Variants in GABRG3 observed in about 807,000 individuals in gnomAD.
The protein encoded by GABRG3 is gamma-aminobutyric acid receptor subunit gamma-3.
A neutral mutation model predicts 48.8 loss-of-function variants in GABRG3; 25 were observed. That is an observed-to-expected ratio of 0.51 (90% confidence interval 0.37 to 0.72). GABRG3 has a LOEUF of 0.72. Ranked by LOEUF, GABRG3 falls within the 30% of genes least tolerant of loss-of-function variation. The pLI is 0.00. For missense variants in GABRG3, 394 were observed against 577.9 expected, an observed-to-expected ratio of 0.68 and a Z score of 3.26; for synonymous variants, 227 against 217.6, an observed-to-expected ratio of 1.04 and a Z score of -0.38.
intron 9 of GABRG3, 122 bp from the exon 10 acceptor site, chr15:27,532,478 C>A: frequency 1.3e-6 from 1 of 799,282 alleles, no homozygotes; most frequent in Non-Finnish European, 1.8e-6. Context: ...GGGGGAAGGG[C>A]ACACCCACGC....
At chr15:27,282,578 G>A (rs1286425226) in intron 3 of GABRG3, among the ~76,000 whole-genome samples, 2 of 152,112 alleles carry the variant, frequency 1.3e-5, no homozygotes, top group Non-Finnish European at 2.9e-5. Context: ...TTGTATCATA[G>A]GTTTTTTTGT....
chr15:27,176,848 G>A (rs546779552), intron 3 of GABRG3, among the ~76,000 whole-genome samples: 2 of 152,264 alleles, frequency 1.3e-5, no homozygotes, highest in Admixed American at 6.5e-5. Flanking sequence ...AGCTACCTGC[G>A]TTTACTATTA....
intron 3 of GABRG3, among the ~76,000 whole-genome samples, chr15:27,265,129 T>G (rs1360826787): frequency 6.6e-6 from 1 of 152,080 alleles, no homozygotes; most frequent in Non-Finnish European, 1.5e-5. Flanking sequence ...CAAAAAAGTT[T>G]ACATCAATCT....
At chr15:27,307,154 A>G (rs569471129) in intron 3 of GABRG3, among the ~76,000 whole-genome samples, 2 of 124,856 alleles carry the variant, frequency 1.6e-5, no homozygotes, top group East Asian at 2.6e-4. Flanking sequence ...ATATAAACAT[A>G]TAAAAACATG....
At chr15:27,466,539 G>A (rs1462133351) in intron 5 of GABRG3, among the ~76,000 whole-genome samples, 1 of 152,224 alleles carries the variant, frequency 6.6e-6, no homozygotes, top group East Asian at 1.9e-4. Context: ...ATCAATGCTT[G>A]TCTTCTTTTC....
intron 2 of GABRG3, among the ~76,000 whole-genome samples, chr15:26,989,548 G>A (rs934268863): frequency 1.3e-5 from 2 of 152,104 alleles, no homozygotes; most frequent in Non-Finnish European, 2.9e-5. Flanking sequence ...GAGACATTTT[G>A]GTACAAGCAT....
intron 6 of GABRG3, among the ~76,000 whole-genome samples, chr15:27,506,640 C>T (rs8043317): frequency 0.11 from 16,327 of 152,118 alleles, 1,588 homozygotes; most frequent in African/African-American, 0.26. Flanking sequence ...GGAGAGAATG[C>T]AGTAATATCA....
intron 3 of GABRG3, among the ~76,000 whole-genome samples, chr15:27,242,313 G>A (rs939073279): frequency 6.6e-6 from 1 of 152,160 alleles, no homozygotes; most frequent in African/African-American, 2.4e-5. Flanking sequence ...GGGTTAATGA[G>A]AGGCAACCAG....
intron 3 of GABRG3, among the ~76,000 whole-genome samples, chr15:27,231,460 G>C (rs901550419): frequency 1.3e-5 from 2 of 152,196 alleles, no homozygotes; most frequent in Admixed American, 1.3e-4. Flanking sequence ...GGGAGAAGAG[G>C]AGCAGGAGGC....
intron 3 of GABRG3, among the ~76,000 whole-genome samples, chr15:27,254,141 C>CT (rs1203318411): frequency 1.3e-5 from 2 of 152,186 alleles, no homozygotes; most frequent in African/African-American, 4.8e-5. Context: ...AAACCCAGCC[C>CT]TGGAATGCAC....
At chr15:27,368,685 CAG>C (rs888054962) in intron 5 of GABRG3, among the ~76,000 whole-genome samples, 4 of 152,172 alleles carry the variant, frequency 2.6e-5, no homozygotes, top group African/African-American at 9.7e-5. Flanking sequence ...CAGGGGCACA[CAG>C]AGTGGAACCC....
intron 3 of GABRG3, among the ~76,000 whole-genome samples, chr15:27,295,562 T>A (rs1483509089): frequency 6.6e-6 from 1 of 152,064 alleles, no homozygotes; most frequent in Admixed American, 6.5e-5. Context: ...ATAAAAAAAA[T>A]TCACCATGGG....
chr15:27,290,444 C>A (rs1361259819), intron 3 of GABRG3, among the ~76,000 whole-genome samples: 1 of 152,044 alleles, frequency 6.6e-6, no homozygotes, highest in African/African-American at 2.4e-5. Flanking sequence ...GTGGAGAAAG[C>A]TGGCAAATAT....
At chr15:27,274,731 T>A (rs756767514) in intron 3 of GABRG3, among the ~76,000 whole-genome samples, 2 of 152,212 alleles carry the variant, frequency 1.3e-5, no homozygotes, top group Non-Finnish European at 2.9e-5. Flanking sequence ...TTTACCATCC[T>A]TCCTACTTAT....
intron 3 of GABRG3, among the ~76,000 whole-genome samples, chr15:27,072,149 G>A (rs146440093): frequency 7.7e-4 from 117 of 152,282 alleles, no homozygotes; most frequent in African/African-American, 2.6e-3. Flanking sequence ...GCTCCTGAAG[G>A]TCCTGAAGGC....
rs192999101 is a variant in GABRG3 at position 27,129,716 on chromosome 15, T to G, written c.270+102895T>G. Among the ~76,000 whole-genome samples the G allele has an allele frequency of 2.3e-3, 350 of 151,896 alleles. 1 individual carries two copies. Among genetic ancestry groups the G allele is most frequent in the African/African-American group, 7.8e-3 (323 of 41,536 alleles). ...AACACTTGTTAGTTTCTGTTTTGTTTTTTTTTTTTTCATAACAGCCATGCT... is the reference window on the plus strand; with the variant it reads ...AACACTTGTTAGTTTCTGTTTTGTTGTTTTTTTTTTCATAACAGCCATGCT... On this transcript the variant is annotated intron_variant, in intron 3 of 9. Transcript: ENST00000615808.
chr15:27,200,295 A>C (rs1888641179), intron 3 of GABRG3, among the ~76,000 whole-genome samples: 2 of 152,134 alleles, frequency 1.3e-5, no homozygotes, highest in African/African-American at 2.4e-5. Flanking sequence ...ACTCACCCTA[A>C]ATCTTCTGTC....
chr15:27,368,836 G>A (rs568328094), intron 5 of GABRG3, among the ~76,000 whole-genome samples: 1 of 152,162 alleles, frequency 6.6e-6, no homozygotes, highest in Admixed American at 6.5e-5. Context: ...AGTTTGCTGG[G>A]TGTGGGAAGG....
In GABRG3 at chr15:26,997,612, A is replaced by G. The variant is rs552850400; in HGVS notation, c.202+20462A>G. Among the ~76,000 whole-genome samples the G allele has an allele frequency of 1.4e-3, 208 of 152,170 alleles. 1 individual carries two copies. The highest frequency in any genetic ancestry group is 5.2e-3 in the South Asian group (25 of 4,826). ...CTCAAATTTCTTCCTCCTTATATTC[A>G]TTTTTTAGCCCAGCTACCTAGTGTT... On this transcript the variant is annotated intron_variant, in intron 2 of 9. Transcript: ENST00000615808.
Sources: gnomAD v4.1 joint callset for allele counts (sites outside exome capture counted in the v4.1 genomes callset) on GRCh38, gnomAD v4.1.1 for gene constraint, MANE v1.5 for transcripts, NCBI Gene and HGNC (gene_info 2026-07-23, HGNC 2026-07-21) for gene names.